The following PDLIM5 variants were observed in gnomAD, a reference collection of about 807,000 sequenced individuals.
PDLIM5 encodes PDZ and LIM domain 5.
A neutral mutation model predicts 64.2 loss-of-function variants in PDLIM5; 34 were observed. The observed-to-expected ratio is 0.53, with a 90% confidence interval of 0.40 to 0.71. PDLIM5 has a LOEUF of 0.71. Among genes scored for constraint, PDLIM5 ranks in the 30% least tolerant of loss-of-function variants. PDLIM5 has a pLI of 0.00. For missense variants in PDLIM5, 683 were observed against 733.6 expected (o/e 0.93, Z 0.80); for synonymous variants, 253 against 269.1 (o/e 0.94, Z 0.59).
intron 3 of PDLIM5, among the ~76,000 whole-genome samples, chr4:94,542,643 C>A (rs573640287): frequency 6.6e-6 from 1 of 152,134 alleles, no homozygotes; most frequent in African/African-American, 2.4e-5. Context: ...CTGTCCTACA[C>A]AAGCAATATT....
At chr4:94,568,625 A>G (rs1206226152) in intron 3 of PDLIM5, among the ~76,000 whole-genome samples, 1 of 150,762 alleles carries the variant, frequency 6.6e-6, no homozygotes, top group African/African-American at 2.5e-5. Flanking sequence ...ATGAGGCACA[A>G]TGGGCAAATA....
intron 3 of PDLIM5, 58 bp downstream of exon 3, chr4:94,523,933 G>T: frequency 7.5e-7 from 1 of 1,340,894 alleles, no homozygotes; most frequent in Non-Finnish European, 1.1e-6. Flanking sequence ...ATGTGTTTTT[G>T]TGTGTCTGAC....
chr4:94,560,854 G>A (rs1340364709), intron 3 of PDLIM5, among the ~76,000 whole-genome samples: 2 of 152,134 alleles, frequency 1.3e-5, no homozygotes, highest in Non-Finnish European at 2.9e-5. Flanking sequence ...AGCCTCCTGA[G>A]TAGCTGGGAC....
intron 2 of PDLIM5, among the ~76,000 whole-genome samples, chr4:94,508,446 C>T (rs1043972172): frequency 1.5e-4 from 23 of 152,164 alleles, no homozygotes; most frequent in African/African-American, 4.8e-4. Context: ...AAACTTGGCT[C>T]CTTGGGTCAA....
Position 94,549,660 on chromosome 4 carries a change from CAG to C in PDLIM5, c.249-23690_249-23689del, listed in dbSNP as rs1017011544. On this transcript the variant is annotated intron_variant, in intron 3 of 12. Coordinates refer to ENST00000317968, the MANE Select transcript of PDLIM5 (RefSeq NM_006457.5). ...TGAGTTAAAAAAGCAAGGTGTAAAA[CAG>C]TGTGCGTAGTATCTGTGTACGTTTG... 3 of 152,234 alleles carry C rather than the reference CAG, an allele frequency of 2.0e-5. No individual in the cohort carries two copies. In the South Asian group the frequency reaches 6.2e-4, roughly 32 times the overall value. The allele number at this position is 152,234 out of a possible 1,614,324, so 9.4% of individuals were successfully genotyped here.
At chr4:94,468,022 T>TA (rs1463968464) in intron 2 of PDLIM5, among the ~76,000 whole-genome samples, 3 of 152,234 alleles carry the variant, frequency 2.0e-5, no homozygotes, top group Non-Finnish European at 4.4e-5. Context: ...CTGAACCTAA[T>TA]ACCTCAGATA....
At chr4:94,638,266 G>A (rs1022230995) in intron 8 of PDLIM5, among the ~76,000 whole-genome samples, 1 of 152,176 alleles carries the variant, frequency 6.6e-6, no homozygotes, top group African/African-American at 2.4e-5. Context: ...CAAGAAAGTA[G>A]TGTACCAAGT....
At chr4:94,520,780 G>T (rs1046523436) in intron 2 of PDLIM5, among the ~76,000 whole-genome samples, 1 of 152,204 alleles carries the variant, frequency 6.6e-6, no homozygotes, top group Non-Finnish European at 1.5e-5. Flanking sequence ...AATGAAAATG[G>T]TTAGAGATTC....
At chr4:94,585,148 T>G (rs777047173) in intron 5 of PDLIM5, 3 of 546,306 alleles carry the variant, frequency 5.5e-6, no homozygotes, top group Non-Finnish European at 9.8e-6. Flanking sequence ...TGGAGTGCAG[T>G]GGTGCGATCT....
intron 5 of PDLIM5, chr4:94,582,427 T>G (rs3843444): frequency 3.2e-6 from 1 of 309,816 alleles, no homozygotes; most frequent in African/African-American, 2.2e-5. Context: ...ATACATAAAA[T>G]AGTTTTCAGT....
chr4:94,493,533 C>T (rs1421161430), intron 2 of PDLIM5, among the ~76,000 whole-genome samples: 1 of 152,044 alleles, frequency 6.6e-6, no homozygotes, highest in Admixed American at 6.6e-5. Flanking sequence ...CCAGGTTAGT[C>T]TCAATGACCC....
In PDLIM5 at chr4:94,664,905, T is replaced by C; in HGVS notation, c.*838T>C. ...CTTTGCTTGTATATTATTTTTGCCT[T>C]ACAGTGGATCATTCTAGTAGGAAAG... On this transcript the variant is annotated 3_prime_UTR_variant, in exon 13 of 13. Transcript: ENST00000317968. 1 of 978,948 alleles carries C rather than the reference T, an allele frequency of 1.0e-6. No individual in the cohort carries two copies. Among genetic ancestry groups the C allele is most frequent in the Non-Finnish European group, 1.2e-6 (1 of 824,018 alleles). 60.6% of individuals were successfully genotyped at this position (978,948 alleles called of 1,614,324 possible).
chr4:94,661,233 A>G (rs965099806), intron 11 of PDLIM5, among the ~76,000 whole-genome samples: 1 of 151,678 alleles, frequency 6.6e-6, no homozygotes, highest in Non-Finnish European at 1.5e-5. Flanking sequence ...TACAAAAAAA[A>G]TTTTTTTTTA....
chr4:94,616,877 A>C (rs985022911), intron 7 of PDLIM5, among the ~76,000 whole-genome samples: 1 of 152,190 alleles, frequency 6.6e-6, no homozygotes, highest in Non-Finnish European at 1.5e-5. Context: ...TATTGTTTCG[A>C]TAGAAGGACT....
intron 8 of PDLIM5, among the ~76,000 whole-genome samples, chr4:94,621,502 G>T (rs530347615): frequency 1.3e-5 from 2 of 152,164 alleles, no homozygotes; most frequent in Non-Finnish European, 2.9e-5. Flanking sequence ...AAAAAGCAAC[G>T]AAAAGACTAA....
At position 94,574,222 on chromosome 4, in the gene PDLIM5, G is replaced by A. The variant is rs149383585; in HGVS notation, c.291+829G>A. Among the ~76,000 whole-genome samples the A allele has an allele frequency of 4.5e-3, 681 of 152,264 alleles. 4 individuals are homozygous for A. Among genetic ancestry groups the A allele is most frequent in the African/African-American group, 0.015 (641 of 41,542 alleles). ...TTCCTATAAGATGAATTGAGGCTGC[G>A]CGCGGTGGGTCACGCCTGTAATCCC... On this transcript the variant is annotated intron_variant, in intron 4 of 12. Coordinates refer to ENST00000317968, the MANE Select transcript of PDLIM5 (RefSeq NM_006457.5).
At chr4:94,611,216 A>T (rs1738338749) in intron 7 of PDLIM5, 2 of 1,531,470 alleles carry the variant, frequency 1.3e-6, no homozygotes, top group African/African-American at 1.4e-5. Flanking sequence ...GTGGGAGCAG[A>T]TATGGCAAGT....
intron 2 of PDLIM5, among the ~76,000 whole-genome samples, chr4:94,503,111 T>A (rs762164849): frequency 4.6e-5 from 7 of 152,168 alleles, no homozygotes; most frequent in Non-Finnish European, 7.3e-5. Context: ...TTTAGAGATA[T>A]AGGATATGTT....
chr4:94,507,408 G>A (rs539448960), intron 2 of PDLIM5, among the ~76,000 whole-genome samples: 4 of 152,124 alleles, frequency 2.6e-5, no homozygotes, highest in South Asian at 2.1e-4. Flanking sequence ...GCAGAGTCTC[G>A]TTTAAATATC....
Sources: gnomAD v4.1 joint callset for allele counts (sites outside exome capture counted in the v4.1 genomes callset) on GRCh38, gnomAD v4.1.1 for gene constraint, MANE v1.5 for transcripts, NCBI Gene and HGNC (gene_info 2026-07-23, HGNC 2026-07-21) for gene names.